The following KIF26A variants were observed in gnomAD, a reference collection of about 807,000 sequenced individuals.
KIF26A encodes the protein kinesin-like protein KIF26A.
A neutral mutation model predicts 126.0 loss-of-function variants in KIF26A; 74 were observed. The observed-to-expected ratio is 0.59, with a 90% CI of 0.49 to 0.71. KIF26A has a LOEUF of 0.71. Among genes scored for constraint, KIF26A ranks in the 30% least tolerant of loss-of-function variants. KIF26A has a pLI of 0.00. For synonymous variants in KIF26A, 1,445 were observed against 1,232.7 expected, an observed-to-expected ratio of 1.17 and a Z score of -3.61; for missense variants, 2,984 against 2,763.3, an observed-to-expected ratio of 1.08 and a Z score of -1.79.
At chr14:104,178,465 G>C (rs879761824) in intron 12 of KIF26A, 85 bp from the exon 13 acceptor site, 4 of 1,040,808 alleles carry the variant, frequency 3.8e-6, no homozygotes, top group Non-Finnish European at 5.2e-6. Context: ...GTCAGGACTC[G>C]GGCCGGCTCC....
chr14:104,169,461 C>T (rs996725171), intron 5 of KIF26A, among the ~76,000 whole-genome samples: 2 of 152,186 alleles, frequency 1.3e-5, no homozygotes, highest in African/African-American at 2.4e-5. Context: ...GGCAGTCACA[C>T]CCCCACCCTG....
intron 3 of KIF26A, among the ~76,000 whole-genome samples, chr14:104,155,774 C>T (rs1326173216): frequency 6.6e-6 from 1 of 152,248 alleles, no homozygotes; most frequent in East Asian, 1.9e-4. Flanking sequence ...TGGCCGCAGG[C>T]CTGTACCGTT....
Position 104,175,991 on chromosome 14 carries a change from C to G in KIF26A, c.3203C>G (p.Ser1068Trp). 6.3e-7 allele frequency: 1 copy of G among 1,580,998 alleles called. No homozygotes were observed. The highest frequency in any genetic ancestry group is 1.1e-5 in the South Asian group (1 of 87,814). The change falls in exon 12 of 15, where the codon TCG becomes TGG. Residue 1068 changes from serine to tryptophan, a missense_variant. Physicochemically the swap from Ser to Trp is radical, Grantham distance 177 (BLOSUM62 -3). Transcript: ENST00000423312. ...DSDCSLRALA[S>W]GSRPVSIISS... ...GACTGCTCCCTGCGGGCCCTGGCCT[C>G]GGGGTCCCGGCCAGTCAGCATCATC...
At chr14:104,155,529 C>T (rs1346558903) in intron 3 of KIF26A, among the ~76,000 whole-genome samples, 2 of 152,266 alleles carry the variant, frequency 1.3e-5, no homozygotes, top group East Asian at 3.9e-4. Flanking sequence ...CTCTGTCTGG[C>T]CGCCCGCCCC....
intron 4 of KIF26A, 24 bp from the exon 5 acceptor site, chr14:104,166,835 C>G (rs1050579261): frequency 2.0e-6 from 3 of 1,530,716 alleles, no homozygotes; most frequent in African/African-American, 1.4e-5. Context: ...CACCACTGAT[C>G]CTGCCTCTGC....
Position 104,165,937 on chromosome 14 carries a change from G to A in KIF26A, c.924-922G>A, listed in dbSNP as rs114852176. Among the ~76,000 whole-genome samples, 539 of 151,660 alleles carry A rather than the reference G, an allele frequency of 3.6e-3. 6 individuals are homozygous for A. The highest frequency in any genetic ancestry group is 0.012 in the African/African-American group (516 of 41,490). ...AAGCATGCACTGGCCTCCCCTGGAG[G>A]GTGTGTTAAACCCAAGCGTCAGCCT... On this transcript the variant is annotated intron_variant, in intron 4 of 14. Transcript: ENST00000423312.
At position 104,171,673 on chromosome 14, in the gene KIF26A, G is replaced by C. The variant is rs750596905; in HGVS notation, c.1114-50G>C. ...GGGCCCCTCCTGCCCTGTAATTAGT[G>C]GCCGGCTGGGCGGAGGCAGCTTCTC... On this transcript the variant is annotated intron_variant, in intron 5 of 14. Transcript: ENST00000423312. 3 of 1,483,638 alleles carry C rather than the reference G, an allele frequency of 2.0e-6. No homozygotes were observed. In the African/African-American group the frequency reaches 4.2e-5, roughly 21 times the overall value. The allele number at this position is 1,483,638 out of a possible 1,614,324, so 91.9% of individuals were successfully genotyped here.
Position 104,174,245 on chromosome 14 carries a change from G to A in KIF26A, c.2128G>A (p.Ala710Thr), listed in dbSNP as rs200286274. 26 of 1,577,968 alleles carry A rather than the reference G, an allele frequency of 1.6e-5. No individual in the cohort carries two copies. Among genetic ancestry groups the A allele is most frequent in the Admixed American group, 3.6e-5 (2 of 54,950 alleles). ...CGTGTCGGATGCGCCAGCCCAGCACGCAGAGACACTCAGCACCGTGCAGCT... is the reference window on the plus strand; with the variant it reads ...CGTGTCGGATGCGCCAGCCCAGCACACAGAGACACTCAGCACCGTGCAGCT... ...AHVSDAPAQH[A>T]ETLSTVQLAA... The change falls in exon 11 of 15, where the codon GCA becomes ACA. Residue 710 changes from alanine (A) to threonine (T), a missense_variant. Ala to Thr is a moderately conservative substitution (Grantham distance 58, BLOSUM62 0). Coordinates refer to ENST00000423312, the MANE Select transcript of KIF26A (RefSeq NM_015656.2).
chr14:104,162,004 G>A (rs970177965), intron 4 of KIF26A, among the ~76,000 whole-genome samples: 16 of 152,350 alleles, frequency 1.1e-4, no homozygotes, highest in Admixed American at 1.3e-4. Context: ...GCCTCCACAG[G>A]GCCGTGGGCC....
chr14:104,176,062 G>GA lies in KIF26A; in HGVS notation c.3275dup (p.Pro1095AlafsTer32). The GA allele has an allele frequency of 1.3e-6, 2 of 1,596,886 alleles. No homozygotes were observed. The highest frequency in any genetic ancestry group is 1.7e-6 in the Non-Finnish European group (2 of 1,174,816). ...TGACGCCTACACCTCTCAGGCCCCT[G>GA]AGGGGGGGCCCCTGGAGGGGGCAGC... On this transcript the variant is annotated frameshift_variant, in exon 12 of 15. Coordinates refer to ENST00000423312, the MANE Select transcript of KIF26A (RefSeq NM_015656.2). LOFTEE classifies it high-confidence loss of function.
chr14:104,165,651 ATGTG>A (rs148671298), intron 4 of KIF26A, among the ~76,000 whole-genome samples: 13 of 132,986 alleles, frequency 9.8e-5, no homozygotes, highest in South Asian at 2.2e-4. Context: ...TTCTGTATGC[ATGTG>A]TGTGTATCTG....
At chr14:104,174,031 G>T in intron 10 of KIF26A, 117 bp from the exon 11 acceptor site, 1 of 1,407,812 alleles carries the variant, frequency 7.1e-7, no homozygotes. Context: ...GGGGCCCCAC[G>T]CTGGGCTGGT....
At position 104,177,314 on chromosome 14, in the gene KIF26A, G is replaced by A. The variant is rs773287415; in HGVS notation, c.4526G>A (p.Arg1509Gln). Residue 1509 changes from arginine to glutamine, a missense_variant, in exon 12 of 15, where the codon CGG becomes CAG. Arg to Gln is a conservative substitution (Grantham distance 43). Transcript: ENST00000423312. ...KGRGLVAGGS[R>Q]ALGPSVKLST... ...CGTGGCCTAGTGGCTGGTGGGTCGC[G>A]GGCTCTGGGGCCTTCGGTGAAGCTG... is the stretch of plus-strand genomic sequence containing the variant. The A allele has an allele frequency of 1.2e-5, 18 of 1,536,450 alleles. No homozygotes were observed. In the East Asian group the frequency reaches 1.7e-4, roughly 14 times the overall value.
rs376810500 is a variant in KIF26A at position 104,166,950 on chromosome 14, G to T, written c.1015G>T (p.Asp339Tyr). The change falls in exon 5 of 15, where the codon GAC becomes TAC. Residue 339 changes from aspartate (D) to tyrosine (Y), a missense_variant. By Grantham distance (160) the Asp-to-Tyr change is radical. Coordinates refer to ENST00000423312, the MANE Select transcript of KIF26A (RefSeq NM_015656.2). Reference protein sequence around the residue: ...ATRGTSTYPTDFSGVLQLWPP... With the variant: ...ATRGTSTYPTYFSGVLQLWPP... ...CCGCGGCACCTCCACCTACCCCACCGACTTCAGCGGGGTCCTGCAGCTGTG... is the reference window on the plus strand; with the variant it reads ...CCGCGGCACCTCCACCTACCCCACCTACTTCAGCGGGGTCCTGCAGCTGTG... 4 of 1,591,368 alleles carry T rather than the reference G, an allele frequency of 2.5e-6. No homozygotes were observed. In the African/African-American group the frequency reaches 5.4e-5, roughly 21 times the overall value.
At position 104,174,995 on chromosome 14, in the gene KIF26A, C is replaced by A; in HGVS notation, c.2207C>A (p.Ser736Tyr). The A allele has an allele frequency of 6.5e-7, 1 of 1,547,150 alleles. No homozygotes were observed. Among genetic ancestry groups the A allele is most frequent in the Non-Finnish European group, 8.7e-7 (1 of 1,150,026 alleles). ...TTCTTCCCCCAGTACGCCTCCAGCT[C>A]CTCTGGCGGGGAGAGCTCCTGTGAG... is the stretch of plus-strand genomic sequence containing the variant. ...RRKKAKYASS[S>Y]SGGESSCEEG... The change falls in exon 12 of 15, where the codon TCC becomes TAC. Residue 736 changes from serine to tyrosine, a missense_variant. Ser to Tyr is a moderately radical substitution (Grantham distance 144, BLOSUM62 -2). Coordinates refer to ENST00000423312, the MANE Select transcript of KIF26A (RefSeq NM_015656.2).
chr14:104,154,542 C>T (rs1283523711), intron 3 of KIF26A, among the ~76,000 whole-genome samples: 5 of 152,312 alleles, frequency 3.3e-5, no homozygotes, highest in Admixed American at 6.5e-5. Flanking sequence ...GCCGGGGCAG[C>T]GCTGCCGTTG....
intron 3 of KIF26A, among the ~76,000 whole-genome samples, chr14:104,157,351 A>G (rs1010381081): frequency 5.3e-5 from 8 of 152,272 alleles, no homozygotes; most frequent in Middle Eastern, 3.4e-3. Context: ...GGGTGCTCCC[A>G]GGAGGCTCAG....
intron 4 of KIF26A, among the ~76,000 whole-genome samples, chr14:104,165,031 G>T (rs183744233): frequency 0.011 from 1,601 of 151,772 alleles, 31 homozygotes; most frequent in African/African-American, 0.036. Context: ...CTCTGTGTGT[G>T]TCTGTATGTG....
Position 104,180,019 on chromosome 14 carries a change from A to T in KIF26A, c.*229A>T. 1 of 462,934 alleles carries T rather than the reference A, an allele frequency of 2.2e-6. No homozygotes were observed. The highest frequency in any genetic ancestry group is 4.9e-5 in the South Asian group (1 of 20,330). The allele number at this position is 462,934 out of a possible 1,614,324, so 28.7% of individuals were successfully genotyped here. A position where few individuals can be genotyped will look rare whatever the true frequency, so the allele number is the denominator to read the frequency against. On this transcript the variant is annotated 3_prime_UTR_variant, in exon 15 of 15. Coordinates refer to ENST00000423312, the MANE Select transcript of KIF26A (RefSeq NM_015656.2). ...ACCGTCACCACCCGACAGCAACGCA[A>T]GTGCCTTTGACCTTGATTTGGACTT...
Sources: allele counts gnomAD v4.1 joint callset (sites outside exome capture counted in the v4.1 genomes callset), GRCh38; gene constraint gnomAD v4.1.1; transcripts MANE v1.5; gene names NCBI Gene and HGNC (gene_info 2026-07-23, HGNC 2026-07-21).